The following TENM4 variants were observed in gnomAD, a reference collection of about 807,000 sequenced individuals.
The protein encoded by TENM4 is teneurin transmembrane protein 4.
Under a neutral mutation model 243.3 loss-of-function variants are expected in TENM4, and 82 were observed. The observed-to-expected ratio is 0.34, with a 90% CI of 0.28 to 0.40. The LOEUF is 0.40. TENM4 is among the 10% of genes least tolerant of loss of function. TENM4 has a pLI of 1.00. For missense variants in TENM4, 3,138 were observed against 3,673.3 expected (o/e 0.85, Z 3.77); for synonymous variants, 1,412 against 1,456.3 (o/e 0.97, Z 0.69).
At chr11:78,910,504 C>T (rs1856162095) in intron 6 of TENM4, among the ~76,000 whole-genome samples, 1 of 152,232 alleles carries the variant, frequency 6.6e-6, no homozygotes, top group Admixed American at 6.5e-5. Flanking sequence ...ACACAGTCAG[C>T]AGTCGGAATC....
At chr11:78,764,871 T>C (rs1177286034) in intron 18 of TENM4, among the ~76,000 whole-genome samples, 1 of 152,162 alleles carries the variant, frequency 6.6e-6, no homozygotes, top group African/African-American at 2.4e-5. Context: ...GGCTGGATTA[T>C]TTCCTGGAAG....
At chr11:78,969,775 G>A (rs1438678380) in intron 6 of TENM4, among the ~76,000 whole-genome samples, 3 of 152,128 alleles carry the variant, frequency 2.0e-5, no homozygotes, top group Admixed American at 6.5e-5. Flanking sequence ...CTGGATTATC[G>A]GAAGAGCTTC....
intron 9 of TENM4, among the ~76,000 whole-genome samples, chr11:78,878,426 G>C (rs968211179): frequency 6.6e-6 from 1 of 152,132 alleles, no homozygotes; most frequent in Non-Finnish European, 1.5e-5. Context: ...CACCATAAAG[G>C]CATAGAACTG....
intron 29 of TENM4, 42 bp downstream of exon 29, chr11:78,688,012 C>G (rs1170023480): frequency 6.2e-7 from 1 of 1,601,794 alleles, no homozygotes; most frequent in Non-Finnish European, 8.5e-7. Flanking sequence ...GGGGTCTTCC[C>G]ACCCCTCTGC....
At chr11:78,839,622 G>A (rs1477756654) in intron 12 of TENM4, among the ~76,000 whole-genome samples, 1 of 151,636 alleles carries the variant, frequency 6.6e-6, no homozygotes, top group East Asian at 1.9e-4. Flanking sequence ...TTGTTTCTAT[G>A]TCATATCTTA....
chr11:79,260,115 T>C (rs909386194), intron 2 of TENM4, among the ~76,000 whole-genome samples: 8 of 152,358 alleles, frequency 5.3e-5, no homozygotes, highest in African/African-American at 1.9e-4. Context: ...GTACATCTGT[T>C]TCTCATGTGA....
intron 20 of TENM4, among the ~76,000 whole-genome samples, chr11:78,738,250 C>T (rs769740026): frequency 1.3e-5 from 2 of 152,192 alleles, no homozygotes; most frequent in Non-Finnish European, 1.5e-5. Context: ...GAAGAAACTG[C>T]TAAATCTAGA....
At chr11:78,916,158 C>T (rs1462786809) in intron 6 of TENM4, among the ~76,000 whole-genome samples, 2 of 152,212 alleles carry the variant, frequency 1.3e-5, no homozygotes, top group African/African-American at 2.4e-5. Context: ...CAGGGTTTAC[C>T]ACTTACTAGC....
intron 1 of TENM4, chr11:79,439,119 C>G (rs973247884): frequency 6.6e-5 from 10 of 150,866 alleles, no homozygotes; most frequent in Admixed American, 6.0e-4. Flanking sequence ...CATGGGCACC[C>G]TCTTCCCCCC....
At chr11:78,779,395 T>C (rs1856799617) in intron 16 of TENM4, among the ~76,000 whole-genome samples, 1 of 152,196 alleles carries the variant, frequency 6.6e-6, no homozygotes, top group Non-Finnish European at 1.5e-5. Flanking sequence ...TAAAGAAAGA[T>C]GTGTGCTTTG....
chr11:79,424,443 C>G (rs1020975068), intron 1 of TENM4, among the ~76,000 whole-genome samples: 1 of 152,014 alleles, frequency 6.6e-6, no homozygotes, highest in African/African-American at 2.4e-5. Flanking sequence ...CTCTACAAAA[C>G]AAAACAAAAC....
At chr11:79,040,602 G>T (rs546782901) in intron 6 of TENM4, among the ~76,000 whole-genome samples, 84 of 152,312 alleles carry the variant, frequency 5.5e-4, no homozygotes, top group African/African-American at 1.9e-3. Flanking sequence ...ACCCAAGCTT[G>T]CCATGAAAAG....
At chr11:78,790,414 GTGTTAGATCAAA>G (rs1857029394) in intron 15 of TENM4, among the ~76,000 whole-genome samples, 2 of 152,210 alleles carry the variant, frequency 1.3e-5, no homozygotes, top group Non-Finnish European at 2.9e-5. Flanking sequence ...CACAGGGTTG[GTGTTAGATCAAA>G]TGAGGTAATA....
At chr11:78,767,733 T>C (rs556293970) in intron 18 of TENM4, among the ~76,000 whole-genome samples, 3 of 152,366 alleles carry the variant, frequency 2.0e-5, no homozygotes, top group Non-Finnish European at 2.9e-5. Flanking sequence ...CTAGTGAGAC[T>C]CTAACACAAT....
chr11:78,990,026 C>G (rs951031544), intron 6 of TENM4, among the ~76,000 whole-genome samples: 1 of 150,736 alleles, frequency 6.6e-6, no homozygotes, highest in Admixed American at 6.6e-5. Context: ...ATTGCACCAC[C>G]ATACTCCAGC....
chr11:79,108,992 A>C (rs1435647091), intron 4 of TENM4, among the ~76,000 whole-genome samples: 2 of 152,186 alleles, frequency 1.3e-5, no homozygotes, highest in African/African-American at 4.8e-5. Flanking sequence ...TCTGCCGCCC[A>C]GAAGGCCTGG....
chr11:78,997,170 A>T (rs905066166), intron 6 of TENM4, among the ~76,000 whole-genome samples: 1 of 152,212 alleles, frequency 6.6e-6, no homozygotes, highest in African/African-American at 2.4e-5. Flanking sequence ...AGTGTTTGGT[A>T]CATGGTAAAT....
At chr11:79,346,156 T>A (rs940554309) in intron 1 of TENM4, among the ~76,000 whole-genome samples, 1 of 152,060 alleles carries the variant, frequency 6.6e-6, no homozygotes, top group South Asian at 2.1e-4. Flanking sequence ...GCAGCTGTAA[T>A]CCCCCAGAGA....
intron 12 of TENM4, among the ~76,000 whole-genome samples, chr11:78,842,944 T>C (rs1271594670): frequency 2.7e-5 from 4 of 150,810 alleles, no homozygotes; most frequent in Non-Finnish European, 5.9e-5. Flanking sequence ...GAGGCTGAGG[T>C]GGGAGGGTCA....
Sources: gnomAD v4.1 joint callset for allele counts (sites outside exome capture counted in the v4.1 genomes callset) on GRCh38, gnomAD v4.1.1 for gene constraint, MANE v1.5 for transcripts, NCBI Gene and HGNC (gene_info 2026-07-23, HGNC 2026-07-21) for gene names.